NSD3: variants seen among roughly 807,000 people sequenced by gnomAD.
NSD3 encodes nuclear receptor binding SET domain protein 3, also known as histone-lysine N-methyltransferase NSD3.
In NSD3, 24 loss-of-function variants were observed where a neutral mutation model predicts 160.8. The ratio of observed to expected loss-of-function variants is 0.15; its 90% confidence interval spans 0.11 to 0.21. NSD3 has a LOEUF of 0.21. Among genes scored for constraint, NSD3 ranks in the 10% least tolerant of loss-of-function variants. The probability of loss-of-function intolerance (pLI) is 1.00; values close to 1 mark genes in which losing one functional copy is unlikely to be tolerated. For missense variants in NSD3, 1,157 were observed against 1,735.9 expected, an observed-to-expected ratio of 0.67 and a Z score of 5.93; for synonymous variants, 520 against 600.0, an observed-to-expected ratio of 0.87 and a Z score of 1.95.
intron 2 of NSD3, among the ~76,000 whole-genome samples, chr8:38,346,164 GTATGTATA>G (rs1810518379): frequency 6.7e-6 from 1 of 149,914 alleles, no homozygotes. Context: ...GTATGCATAT[GTATGTATA>G]TATGTATATA....
intron 1 of NSD3, among the ~76,000 whole-genome samples, chr8:38,362,639 C>T (rs557050993): frequency 6.6e-5 from 10 of 152,222 alleles, no homozygotes; most frequent in African/African-American, 2.4e-4. Flanking sequence ...AAACTTTAAA[C>T]ATTTACATAA....
intron 2 of NSD3, among the ~76,000 whole-genome samples, chr8:38,345,834 T>C (rs565070656): frequency 4.0e-5 from 6 of 151,874 alleles, no homozygotes; most frequent in African/African-American, 7.2e-5. Context: ...GCTTGAACCC[T>C]GGAGGCGGAG....
rs553772917 is a variant in NSD3 at position 38,368,865 on chromosome 8, T to C, written c.-45+12934A>G. Among the ~76,000 whole-genome samples, 84 of 152,336 alleles carry C rather than the reference T, an allele frequency of 5.5e-4. 1 individual carries two copies. The Middle Eastern group carries it at 0.01, about 19-fold the overall frequency. On this transcript the variant is annotated intron_variant, in intron 1 of 23. Transcript: ENST00000317025. ...ATCAGTCATCTTGTTCCATTCACTA[T>C]GAAATCTAGTAAACTAACAAGTTCA...
At chr8:38,346,616 T>G (rs1279693774) in intron 2 of NSD3, among the ~76,000 whole-genome samples, 1 of 151,946 alleles carries the variant, frequency 6.6e-6, no homozygotes, top group East Asian at 1.9e-4. Context: ...GAAAACATGT[T>G]GAAATGTCAC....
At chr8:38,277,144 G>A (rs1057500223) in intron 22 of NSD3, among the ~76,000 whole-genome samples, 1 of 151,966 alleles carries the variant, frequency 6.6e-6, no homozygotes, top group Admixed American at 6.6e-5. Flanking sequence ...GTTTCACTGT[G>A]TTGCCCAGGC....
At chr8:38,351,057 C>T (rs1299616513) in intron 1 of NSD3, among the ~76,000 whole-genome samples, 4 of 151,314 alleles carry the variant, frequency 2.6e-5, no homozygotes, top group South Asian at 2.1e-4. Context: ...CTGCAAGCGC[C>T]GCCTCCCAGG....
chr8:38,346,684 T>C (rs1196886672), intron 2 of NSD3, among the ~76,000 whole-genome samples: 1 of 152,024 alleles, frequency 6.6e-6, no homozygotes, highest in East Asian at 1.9e-4. Flanking sequence ...AAACATCACA[T>C]GTGAGTTGTA....
At chr8:38,360,784 C>A (rs754875283) in intron 1 of NSD3, among the ~76,000 whole-genome samples, 3 of 151,946 alleles carry the variant, frequency 2.0e-5, no homozygotes, top group Non-Finnish European at 4.4e-5. Flanking sequence ...AAATACATTC[C>A]CTTTATATTT....
At chr8:38,334,677 T>C (rs1810164972) in intron 4 of NSD3, among the ~76,000 whole-genome samples, 1 of 152,012 alleles carries the variant, frequency 6.6e-6, no homozygotes, top group Admixed American at 6.5e-5. Context: ...GGAGAATCGC[T>C]TGAACCTGGA....
intron 5 of NSD3, 150 bp from the exon 6 acceptor site, chr8:38,330,043 A>G: frequency 1.2e-6 from 1 of 868,880 alleles, no homozygotes; most frequent in Middle Eastern, 3.5e-4. Context: ...TTCTATCTCC[A>G]TAATTCTGAT....
At chr8:38,312,066 A>G (rs1809547417) in intron 12 of NSD3, among the ~76,000 whole-genome samples, 1 of 152,166 alleles carries the variant, frequency 6.6e-6, no homozygotes, top group African/African-American at 2.4e-5. Flanking sequence ...TCCACTGACT[A>G]GTCTTCACAC....
At chr8:38,301,159 C>T (rs1020795511) in intron 14 of NSD3, among the ~76,000 whole-genome samples, 3 of 152,002 alleles carry the variant, frequency 2.0e-5, no homozygotes, top group Non-Finnish European at 4.4e-5. Flanking sequence ...TTTGTAGAAA[C>T]GAGGTCTTGC....
intron 1 of NSD3, 54 bp downstream of exon 1, chr8:38,381,745 C>T: frequency 9.0e-6 from 1 of 111,302 alleles, no homozygotes; most frequent in Non-Finnish European, 2.0e-5. Flanking sequence ...CGCGCGCGCG[C>T]GCACACACAC....
chr8:38,314,832 G>A, intron 11 of NSD3, 59 bp from the exon 12 acceptor site: 2 of 1,560,386 alleles, frequency 1.3e-6, no homozygotes, highest in Non-Finnish European at 1.7e-6. Context: ...GACCACATGG[G>A]CGGCTTGTTA....
In NSD3 at chr8:38,272,525, C is replaced by G. The variant is rs1388475289; in HGVS notation, c.*3116G>C. ...TTCCCTCGCAGCAGTGGCGGTCCAG[C>G]CCCTCCCTCCCCTGCACAGTGCCTG... is the stretch of plus-strand genomic sequence containing the variant. On this transcript the variant is annotated 3_prime_UTR_variant, in exon 24 of 24. Coordinates refer to ENST00000317025, the MANE Select transcript of NSD3 (RefSeq NM_023034.2). 1 of 152,286 alleles carries G rather than the reference C, an allele frequency of 6.6e-6. No homozygotes were observed. Among genetic ancestry groups the G allele is most frequent in the Non-Finnish European group, 1.5e-5 (1 of 68,122 alleles). The allele number at this position is 152,286 out of a possible 1,614,324, so 9.4% of individuals were successfully genotyped here. A position where few individuals can be genotyped will look rare whatever the true frequency, so the allele number is the denominator to read the frequency against.
chr8:38,343,012 C>A (rs1328115905), intron 2 of NSD3, among the ~76,000 whole-genome samples: 1 of 150,718 alleles, frequency 6.6e-6, no homozygotes, highest in Non-Finnish European at 1.5e-5. Flanking sequence ...GCCAACATGG[C>A]GAAACCCCGT....
chr8:38,319,094 G>A lies in NSD3; in HGVS notation c.1810-154C>T. 1 of 684,702 alleles carries A rather than the reference G, an allele frequency of 1.5e-6. No homozygotes were observed. The highest frequency in any genetic ancestry group is 2.5e-6 in the Non-Finnish European group (1 of 403,160). The allele number at this position is 684,702 out of a possible 1,614,324, so 42.4% of individuals were successfully genotyped here. On this transcript the variant is annotated intron_variant, in intron 8 of 23. Coordinates refer to ENST00000317025, the MANE Select transcript of NSD3 (RefSeq NM_023034.2). This position sits in a 1 kb window ranked among gnomAD's most constrained non-coding sequence, Gnocchi z 4.1. ...TCCCATCTTTTGGGTAAAGTTCTCT[G>A]TCTCAAGATCAGGGAGGGTTTAAAT...
chr8:38,289,026 C>T (rs1325029604), intron 18 of NSD3, among the ~76,000 whole-genome samples: 4 of 152,158 alleles, frequency 2.6e-5, no homozygotes, highest in South Asian at 4.1e-4. Context: ...AGAGAAAATA[C>T]GCTTGTTTGT....
At chr8:38,307,134 T>TAA (rs112474032) in intron 12 of NSD3, among the ~76,000 whole-genome samples, 3 of 140,282 alleles carry the variant, frequency 2.1e-5, no homozygotes, top group South Asian at 2.2e-4. Context: ...AAAAATAAAA[T>TAA]AAAATAAATA....
Sources: allele counts gnomAD v4.1 joint callset (sites outside exome capture counted in the v4.1 genomes callset), GRCh38; gene constraint gnomAD v4.1.1; non-coding constraint Gnocchi (gnomAD v3.1); transcripts MANE v1.5; gene names NCBI Gene and HGNC (gene_info 2026-07-23, HGNC 2026-07-21).